HNF4G: variants seen among roughly 807,000 people sequenced by gnomAD.
HNF4G encodes hepatocyte nuclear factor 4-gamma.
HNF4G carries 21 observed loss-of-function variants against 50.9 expected under a neutral mutation model. That is an observed-to-expected ratio of 0.41 (90% CI 0.29 to 0.59). HNF4G has a LOEUF of 0.59. Among genes scored for constraint, HNF4G ranks in the 20% least tolerant of loss-of-function variants. The pLI, the probability that HNF4G is intolerant of heterozygous loss-of-function variation, is 0.26. For missense variants in HNF4G, 527 were observed against 559.4 expected (o/e 0.94, Z 0.58); for synonymous variants, 198 against 185.6 (o/e 1.07, Z -0.54).
chr8:75,558,415 T>C, intron 6 of HNF4G, 103 bp from the exon 7 acceptor site: 1 of 998,492 alleles, frequency 1.0e-6, no homozygotes, highest in Non-Finnish European at 1.5e-6. Context: ...CCTTCAAGGG[T>C]AGACTATTTT....
chr8:75,560,328 T>G lies in HNF4G; in HGVS notation c.1124-16T>G. ...GATTAAATATCACTAACACAGCATC[T>G]TTTTATCTTTTGTAGGGGCTTCCAA... On this transcript the variant is annotated splice_polypyrimidine_tract_variant and intron_variant, in intron 8 of 9. Transcript: ENST00000396423. The G allele has an allele frequency of 6.2e-7, 1 of 1,611,542 alleles. No homozygotes were observed. The highest frequency in any genetic ancestry group is 8.5e-7 in the Non-Finnish European group (1 of 1,178,244).
chr8:75,480,891 T>C, intron 1 of HNF4G, among the ~76,000 whole-genome samples: 1 of 151,948 alleles, frequency 6.6e-6, no homozygotes, highest in South Asian at 2.1e-4. Flanking sequence ...TTGTATTTTT[T>C]ATTTTAGCGG....
intron 2 of HNF4G, among the ~76,000 whole-genome samples, chr8:75,547,323 C>T (rs1384946165): frequency 6.6e-6 from 1 of 152,158 alleles, no homozygotes; most frequent in African/African-American, 2.4e-5. Context: ...GCTTTCATGA[C>T]TCATGATAAA....
chr8:75,421,406 T>A lies in HNF4G; in HGVS notation c.-144+13244T>A, dbSNP rs1436269356. Among the ~76,000 whole-genome samples, 3 of 152,230 alleles carry A rather than the reference T, an allele frequency of 2.0e-5. No individual in the cohort carries two copies. In the East Asian group the frequency reaches 5.8e-4, roughly 29 times the overall value. The stretch of plus-strand genomic sequence containing the variant: ...ATTCAATTTTGTGACAATTTAACTT[T>A]GAATTGGTTTTTTAGATTAGATATA... On this transcript the variant is annotated intron_variant, in intron 1 of 10. Transcript: ENST00000354370.
At chr8:75,563,198 A>G (rs1173799430) in intron 9 of HNF4G, among the ~76,000 whole-genome samples, 2 of 152,138 alleles carry the variant, frequency 1.3e-5, no homozygotes, top group Non-Finnish European at 2.9e-5. Flanking sequence ...GAGTACTAAA[A>G]TATTTCAAGT....
chr8:75,527,816 T>G (rs995830476), intron 2 of HNF4G, among the ~76,000 whole-genome samples: 2 of 152,236 alleles, frequency 1.3e-5, no homozygotes, highest in Non-Finnish European at 1.5e-5. Flanking sequence ...AATGTATCTT[T>G]GAGTGAGTCT....
chr8:75,461,717 A>T (rs777470448), intron 1 of HNF4G, among the ~76,000 whole-genome samples: 1 of 59,860 alleles, frequency 1.7e-5, no homozygotes, highest in African/African-American at 1.5e-4. Context: ...ATAGCACTGA[A>T]CTCTGTATAT....
At chr8:75,414,794 A>T in intron 1 of HNF4G, among the ~76,000 whole-genome samples, 1 of 152,272 alleles carries the variant, frequency 6.6e-6, no homozygotes, top group East Asian at 1.9e-4. Context: ...TTATCCATTC[A>T]CTTGATGAAC....
chr8:75,553,949 C>T (rs560120341), intron 5 of HNF4G, among the ~76,000 whole-genome samples: 26 of 151,932 alleles, frequency 1.7e-4, no homozygotes, highest in Non-Finnish European at 3.5e-4. Flanking sequence ...CATTTTGAAC[C>T]GTTCTTACTA....
intron 2 of HNF4G, among the ~76,000 whole-genome samples, chr8:75,490,399 C>A (rs555080481): frequency 2.0e-5 from 3 of 151,884 alleles, no homozygotes; most frequent in African/African-American, 4.8e-5. Flanking sequence ...CAAATATGAT[C>A]TTCCTTGCCC....
intron 2 of HNF4G, among the ~76,000 whole-genome samples, chr8:75,507,406 G>T (rs1253516288): frequency 1.3e-5 from 2 of 151,786 alleles, no homozygotes; most frequent in Non-Finnish European, 2.9e-5. Context: ...GATTACAGGT[G>T]CCCGCCACCA....
At chr8:75,424,696 A>G (rs996632190) in intron 1 of HNF4G, among the ~76,000 whole-genome samples, 2 of 152,174 alleles carry the variant, frequency 1.3e-5, no homozygotes, top group Non-Finnish European at 1.5e-5. Context: ...AGTTGCATCC[A>G]TTCTGCTGCA....
At chr8:75,562,056 T>A (rs1265351207) in intron 9 of HNF4G, among the ~76,000 whole-genome samples, 3 of 152,196 alleles carry the variant, frequency 2.0e-5, no homozygotes, top group Non-Finnish European at 4.4e-5. Flanking sequence ...CTGAGATGAC[T>A]TGAGTTATTG....
At chr8:75,475,936 T>C (rs60291866) in intron 1 of HNF4G, among the ~76,000 whole-genome samples, 24,592 of 152,092 alleles carry the variant, frequency 0.16, 2,312 homozygotes, top group African/African-American at 0.25. Flanking sequence ...AAAATTAAAT[T>C]TATTTTTAAA....
chr8:75,466,442 C>A (rs1811974025), intron 1 of HNF4G, among the ~76,000 whole-genome samples: 2 of 151,962 alleles, frequency 1.3e-5, no homozygotes, highest in African/African-American at 2.4e-5. Flanking sequence ...TGAAAATCCA[C>A]TTTCTTGATT....
chr8:75,547,707 A>T, intron 3 of HNF4G, 26 bp downstream of exon 3: 4 of 1,304,270 alleles, frequency 3.1e-6, no homozygotes, highest in Non-Finnish European at 4.5e-6. Context: ...ATGATAATTA[A>T]CATTATTGAT....
intron 1 of HNF4G, among the ~76,000 whole-genome samples, chr8:75,486,804 G>A (rs377258886): frequency 6.6e-6 from 1 of 152,060 alleles, no homozygotes; most frequent in African/African-American, 2.4e-5. Context: ...AGGAGTTTGA[G>A]ACCACCCGGG....
At chr8:75,502,593 G>A (rs1286618641) in intron 2 of HNF4G, among the ~76,000 whole-genome samples, 2 of 152,108 alleles carry the variant, frequency 1.3e-5, no homozygotes, top group Admixed American at 1.3e-4. Flanking sequence ...AAGCACAAGG[G>A]TAAGCAACAA....
chr8:75,471,730 A>T (rs1459637711), intron 1 of HNF4G, among the ~76,000 whole-genome samples: 1 of 152,162 alleles, frequency 6.6e-6, no homozygotes, highest in Non-Finnish European at 1.5e-5. Context: ...TTGACATTGG[A>T]GGGATCATTT....
Sources: allele counts gnomAD v4.1 joint callset (sites outside exome capture counted in the v4.1 genomes callset), GRCh38; gene constraint gnomAD v4.1.1; transcripts MANE v1.5; gene names NCBI Gene and HGNC (gene_info 2026-07-23, HGNC 2026-07-21).